Variants in SSH2 observed in about 807,000 individuals in gnomAD.
SSH2 encodes protein phosphatase Slingshot homolog 2.
SSH2 carries 37 observed loss-of-function variants against 135.2 expected under a neutral mutation model. That is an observed-to-expected ratio of 0.27 (90% CI 0.21 to 0.36). SSH2 has a LOEUF of 0.36. SSH2 is among the 10% of genes least tolerant of loss of function. SSH2 has a pLI of 1.00. For synonymous variants in SSH2, 628 were observed against 646.2 expected (o/e 0.97, Z 0.43); for missense variants, 1,408 against 1,765.3 (o/e 0.80, Z 3.63).
chr17:29,894,344 T>C (rs2151448893), intron 1 of SSH2, among the ~76,000 whole-genome samples: 1 of 152,118 alleles, frequency 6.6e-6, no homozygotes, highest in East Asian at 1.9e-4. Flanking sequence ...TTGCTTGTTT[T>C]GTATATAGTC....
chr17:29,722,757 CCG>C (rs1366627494), intron 3 of SSH2, among the ~76,000 whole-genome samples: 7 of 152,110 alleles, frequency 4.6e-5, no homozygotes, highest in African/African-American at 1.4e-4. Context: ...GGAAAACACA[CCG>C]TGGGAACAGA....
At chr17:29,643,353 T>C (rs1481943042) in intron 14 of SSH2, 1 of 819,312 alleles carries the variant, frequency 1.2e-6, no homozygotes, top group African/African-American at 1.9e-5. Flanking sequence ...GGGTGTTCAC[T>C]GTCCCATGGG....
At chr17:29,655,515 G>A (rs1419347440) in intron 12 of SSH2, 46 bp downstream of exon 12, 2 of 1,572,022 alleles carry the variant, frequency 1.3e-6, no homozygotes, top group African/African-American at 2.7e-5. Context: ...GATAAAACAG[G>A]GACTTCTGTT....
intron 4 of SSH2, among the ~76,000 whole-genome samples, chr17:29,695,971 TA>T (rs772840603): frequency 6.6e-6 from 1 of 152,148 alleles, no homozygotes; most frequent in Non-Finnish European, 1.5e-5. Flanking sequence ...TTTTCATTCC[TA>T]TTTCTATAAT....
chr17:29,757,494 G>A (rs1359176790), intron 3 of SSH2, among the ~76,000 whole-genome samples: 1 of 151,856 alleles, frequency 6.6e-6, no homozygotes, highest in Non-Finnish European at 1.5e-5. Flanking sequence ...TTTTAATGAT[G>A]ATAAGCTGTG....
At chr17:29,743,899 CTTTTTT>C (rs2040656340) in intron 3 of SSH2, among the ~76,000 whole-genome samples, 6 of 96,634 alleles carry the variant, frequency 6.2e-5, no homozygotes, top group South Asian at 3.1e-4. Context: ...TTTCTTTTTT[CTTTTTT>C]CCTTTTTTTT....
chr17:29,693,090 G>A (rs760761371), intron 5 of SSH2, among the ~76,000 whole-genome samples: 55 of 152,004 alleles, frequency 3.6e-4, no homozygotes, highest in South Asian at 2.5e-3. Context: ...CTCCCGAGTA[G>A]CTGGCATGCC....
intron 14 of SSH2, among the ~76,000 whole-genome samples, chr17:29,640,236 G>A (rs530519719): frequency 6.6e-6 from 1 of 152,158 alleles, no homozygotes; most frequent in African/African-American, 2.4e-5. Context: ...CCGCCACCAC[G>A]CCTGGCTATT....
At chr17:29,925,714 A>T (rs1320084277) in intron 1 of SSH2, among the ~76,000 whole-genome samples, 2 of 152,096 alleles carry the variant, frequency 1.3e-5, no homozygotes, top group Admixed American at 1.3e-4. Flanking sequence ...CTAAAAAAAA[A>T]AAAATAAAGG....
chr17:29,886,617 T>C (rs1229216346), intron 1 of SSH2, among the ~76,000 whole-genome samples: 1 of 151,678 alleles, frequency 6.6e-6, no homozygotes, highest in Non-Finnish European at 1.5e-5. Context: ...CATGGTAGCG[T>C]GCACCTGTAG....
At chr17:29,827,114 C>G (rs1468088218) in intron 2 of SSH2, among the ~76,000 whole-genome samples, 2 of 152,150 alleles carry the variant, frequency 1.3e-5, no homozygotes, top group Non-Finnish European at 2.9e-5. Flanking sequence ...TGTAAAAATA[C>G]ACACTAGGGA....
chr17:29,709,013 T>TAGAGAGAGAGAGAGAG (rs779414759), intron 3 of SSH2, among the ~76,000 whole-genome samples: 3 of 88,174 alleles, frequency 3.4e-5, no homozygotes, highest in Non-Finnish European at 7.7e-5. Flanking sequence ...TATATATATA[T>TAGAGAGAGAGAGAGAG]ATAGAGAGAG....
chr17:29,637,894 G>A lies in SSH2; in HGVS notation c.1428-1092C>T, dbSNP rs543662977. On this transcript the variant is annotated intron_variant, in intron 14 of 15. Coordinates refer to ENST00000540801, the MANE Select transcript of SSH2 (RefSeq NM_001282129.2). ...TTTGGGAGGCTAAGGCGGGCGGATC[G>A]CTTGAGGTCAGGAGTTCGAGACCAG... Among the ~76,000 whole-genome samples, 10 of 152,030 alleles carry A rather than the reference G, an allele frequency of 6.6e-5. No homozygotes were observed. In the East Asian group the frequency reaches 1.2e-3, roughly 18 times the overall value.
At chr17:29,636,860 C>G (rs1049241195) in intron 14 of SSH2, 58 bp from the exon 15 acceptor site, 46 of 1,236,616 alleles carry the variant, frequency 3.7e-5, no homozygotes, top group Non-Finnish European at 4.9e-5. Context: ...AATCAACACC[C>G]TCCCAGGAAA....
intron 2 of SSH2, among the ~76,000 whole-genome samples, chr17:29,806,828 G>A (rs1037450940): frequency 6.6e-6 from 1 of 152,076 alleles, no homozygotes; most frequent in African/African-American, 2.4e-5. Context: ...GCTTCACCTG[G>A]GGGATCCTAC....
intron 3 of SSH2, among the ~76,000 whole-genome samples, chr17:29,769,533 T>A (rs1453045590): frequency 1.3e-5 from 2 of 152,240 alleles, no homozygotes; most frequent in Non-Finnish European, 2.9e-5. Context: ...CCAAAGCACT[T>A]ATATCTAAAG....
chr17:29,649,106 A>G (rs2036494355), intron 13 of SSH2, among the ~76,000 whole-genome samples: 1 of 151,594 alleles, frequency 6.6e-6, no homozygotes, highest in Non-Finnish European at 1.5e-5. Flanking sequence ...GCACCACTGC[A>G]CTCTAGCCTG....
At chr17:29,872,902 A>G (rs907523191) in intron 1 of SSH2, among the ~76,000 whole-genome samples, 4 of 151,934 alleles carry the variant, frequency 2.6e-5, no homozygotes, top group African/African-American at 9.7e-5. Context: ...AGGCTGAGGC[A>G]TAAGAATCAC....
At chr17:29,860,235 C>T (rs1205194819) in intron 1 of SSH2, among the ~76,000 whole-genome samples, 2 of 152,224 alleles carry the variant, frequency 1.3e-5, no homozygotes, top group African/African-American at 4.8e-5. Flanking sequence ...AGTGTATAAG[C>T]ATTCCATTTT....
Sources: allele counts gnomAD v4.1 joint callset (sites outside exome capture counted in the v4.1 genomes callset), GRCh38; gene constraint gnomAD v4.1.1; transcripts MANE v1.5; gene names NCBI Gene and HGNC (gene_info 2026-07-23, HGNC 2026-07-21).